The following BLTP3B variants were observed in gnomAD, a reference collection of about 807,000 sequenced individuals.
BLTP3B encodes the protein bridge-like lipid transfer protein family member 3B, also known as UHRF1 (ICBP90) binding protein 1-like.
At chr12:100,110,852 A>G in the BLTP3B span, among the ~76,000 whole-genome samples, 1 of 152,230 alleles carries the variant, frequency 6.6e-6, no homozygotes, top group Non-Finnish European at 1.5e-5. Context: ...TAGGGAAGGA[A>G]GGATGGACAA....
chr12:100,048,631 C>T, the BLTP3B span, among the ~76,000 whole-genome samples: 15 of 151,442 alleles, frequency 9.9e-5, no homozygotes, highest in Non-Finnish European at 1.9e-4. Flanking sequence ...CTTAAATAAC[C>T]TCATTAAATT....
At chr12:100,115,655 C>G in the BLTP3B span, among the ~76,000 whole-genome samples, 1 of 151,568 alleles carries the variant, frequency 6.6e-6, no homozygotes, top group Non-Finnish European at 1.5e-5. Flanking sequence ...CTGTAGCTAC[C>G]TGGGAGACTG....
the BLTP3B span, chr12:100,084,380 A>G: frequency 2.2e-4 from 1 of 4,596 alleles, no homozygotes; most frequent in Non-Finnish European, 3.1e-4. Flanking sequence ...TACTATGATC[A>G]CACACACACA....
chr12:100,141,617 T>C, the BLTP3B span, among the ~76,000 whole-genome samples: 1 of 152,154 alleles, frequency 6.6e-6, no homozygotes, highest in Non-Finnish European at 1.5e-5. Flanking sequence ...ATGTTTACTA[T>C]ACAAGTCTAT....
chr12:100,072,041 A>C, the BLTP3B span, among the ~76,000 whole-genome samples: 1 of 152,340 alleles, frequency 6.6e-6, no homozygotes, highest in South Asian at 2.1e-4. Flanking sequence ...TGGGCAGATC[A>C]CTTGAGGTCA....
chr12:100,060,884 T>C, the BLTP3B span, among the ~76,000 whole-genome samples: 1 of 152,136 alleles, frequency 6.6e-6, no homozygotes, highest in South Asian at 2.1e-4. Flanking sequence ...AAATCAAAGG[T>C]GTGAGATACC....
At chr12:100,072,886 A>G in the BLTP3B span, 1 of 1,473,918 alleles carries the variant, frequency 6.8e-7, no homozygotes, top group Non-Finnish European at 9.0e-7. Flanking sequence ...CAACCCAGAC[A>G]GTACTTTTAA....
chr12:100,097,953 GC>G, the BLTP3B span, among the ~76,000 whole-genome samples: 27 of 152,218 alleles, frequency 1.8e-4, no homozygotes, highest in South Asian at 5.4e-3. Flanking sequence ...AATGGTTCAG[GC>G]CTGTAATCTC....
chr12:100,124,097 T>G, the BLTP3B span, among the ~76,000 whole-genome samples: 1 of 151,892 alleles, frequency 6.6e-6, no homozygotes, highest in Non-Finnish European at 1.5e-5. Context: ...AGACCCCATC[T>G]CTACGAGAAT....
chr12:100,116,133 A>G, the BLTP3B span, among the ~76,000 whole-genome samples: 8 of 150,370 alleles, frequency 5.3e-5, no homozygotes, highest in East Asian at 7.8e-4. Context: ...GATGGTGCCA[A>G]TGTACTCCAG....
chr12:100,083,572 T>C, the BLTP3B span, among the ~76,000 whole-genome samples: 6 of 152,140 alleles, frequency 3.9e-5, no homozygotes, highest in Non-Finnish European at 7.3e-5. Context: ...AGATTTTGAA[T>C]GCTCCCAACT....
chr12:100,062,899 G>A, the BLTP3B span, among the ~76,000 whole-genome samples: 42 of 151,882 alleles, frequency 2.8e-4, no homozygotes, highest in African/African-American at 6.8e-4. Flanking sequence ...AGTTTGAGAC[G>A]GCAGTGAGCC....
chr12:100,124,974 A>ATATATATATATATT, the BLTP3B span, among the ~76,000 whole-genome samples: 27 of 100,362 alleles, frequency 2.7e-4, no homozygotes, highest in African/African-American at 1.1e-3. Context: ...ATATATATAT[A>ATATATATATATATT]TATATTTATA....
the BLTP3B span, among the ~76,000 whole-genome samples, chr12:100,048,596 T>A: frequency 6.6e-6 from 1 of 152,130 alleles, no homozygotes; most frequent in Non-Finnish European, 1.5e-5. Context: ...CCTGAGGTTT[T>A]GCACCTTCCT....
chr12:100,058,597 C>T, the BLTP3B span: 4 of 1,613,932 alleles, frequency 2.5e-6, no homozygotes, highest in South Asian at 3.3e-5. Context: ...TAATCAGGTA[C>T]CACTGGGCTC....
chr12:100,093,929 CTA>C, the BLTP3B span, among the ~76,000 whole-genome samples: 1 of 152,066 alleles, frequency 6.6e-6, no homozygotes, highest in Non-Finnish European at 1.5e-5. Flanking sequence ...TGCCTTTTCC[CTA>C]TGTCTGCCTG....
chr12:100,142,190 G>A, the BLTP3B span, among the ~76,000 whole-genome samples: 1 of 152,188 alleles, frequency 6.6e-6, no homozygotes, highest in East Asian at 1.9e-4. Flanking sequence ...CTGCTCCAAG[G>A]GGAAGGAGCA....
At chr12:100,108,880 C>G in the BLTP3B span, among the ~76,000 whole-genome samples, 1 of 152,008 alleles carries the variant, frequency 6.6e-6, no homozygotes, top group Non-Finnish European at 1.5e-5. Flanking sequence ...ACATGGAGAT[C>G]AAGAGTAGAA....
At chr12:100,095,844 G>GA in the BLTP3B span, 411 of 1,545,176 alleles carry the variant, frequency 2.7e-4, no homozygotes, top group African/African-American at 1.7e-3. Flanking sequence ...TTAACTGTAG[G>GA]AAAAAAAAAT....
Sources: gnomAD v4.1 joint callset for allele counts (sites outside exome capture counted in the v4.1 genomes callset) on GRCh38, gnomAD v4.1.1 for gene constraint, MANE v1.5 for transcripts, NCBI Gene and HGNC (gene_info 2026-07-23, HGNC 2026-07-21) for gene names.